The following GALNT15 variants were observed in gnomAD, a reference collection of about 807,000 sequenced individuals.
GALNT15 encodes polypeptide N-acetylgalactosaminyltransferase 15.
A neutral mutation model predicts 66.8 loss-of-function variants in GALNT15; 67 were observed. That is an observed-to-expected ratio of 1.00 (90% CI 0.82 to 1.23). The LOEUF (loss-of-function observed/expected upper bound fraction) is 1.23. GALNT15 is among the 50% of genes most tolerant of loss of function. GALNT15 has a pLI of 0.00. For synonymous variants in GALNT15, 313 were observed against 311.5 expected (o/e 1.00, Z -0.05); for missense variants, 827 against 804.3 (o/e 1.03, Z -0.34).
At position 16,181,959 on chromosome 3, in the gene GALNT15, C is replaced by T. The variant is rs751922199; in HGVS notation, c.539+6269C>T. On this transcript the variant is annotated intron_variant, in intron 1 of 9. Transcript: ENST00000339732. The surrounding 1 kb of genome is among the most constrained non-coding windows in gnomAD (Gnocchi z 5.9). ...CCATCACCCCGCAGTGGGGTTGCAGCGTAGACAGAGCTGACTATATAGCGC... is the reference window on the plus strand; with the variant it reads ...CCATCACCCCGCAGTGGGGTTGCAGTGTAGACAGAGCTGACTATATAGCGC... 1.3e-5 allele frequency among the ~76,000 whole-genome samples: 2 copies of T among 152,122 alleles called. No homozygotes were observed. Among genetic ancestry groups the T allele is most frequent in the Non-Finnish European group, 2.9e-5 (2 of 68,032 alleles).
chr3:16,245,876 A>G, the GALNT15 span, among the ~76,000 whole-genome samples: 1 of 152,172 alleles, frequency 6.6e-6, no homozygotes, highest in South Asian at 2.1e-4. Context: ...CTTTGTCACT[A>G]TTTTTTCAGT....
the GALNT15 span, among the ~76,000 whole-genome samples, chr3:16,237,375 G>A: frequency 6.6e-6 from 1 of 152,180 alleles, no homozygotes; most frequent in Non-Finnish European, 1.5e-5. The surrounding 1 kb of genome is among the most constrained non-coding windows in gnomAD (Gnocchi z 4.2). Flanking sequence ...AGCCCATCAT[G>A]CCCCTTCACA....
At chr3:16,214,848 T>A (rs191551067) in intron 6 of GALNT15, among the ~76,000 whole-genome samples, 2 of 152,350 alleles carry the variant, frequency 1.3e-5, no homozygotes, top group Non-Finnish European at 2.9e-5. Flanking sequence ...TTAGACTTTA[T>A]TCAATTAGCA....
intron 1 of GALNT15, among the ~76,000 whole-genome samples, chr3:16,179,246 A>T (rs1241691310): frequency 6.6e-6 from 1 of 152,158 alleles, no homozygotes; most frequent in Non-Finnish European, 1.5e-5. Flanking sequence ...GGTAGGTTTC[A>T]TTTCATGGAT....
intron 6 of GALNT15, among the ~76,000 whole-genome samples, chr3:16,216,501 G>A (rs77575164): frequency 2.1e-5 from 3 of 144,114 alleles, no homozygotes; most frequent in Admixed American, 2.1e-4. Flanking sequence ...TCTGTCTCGG[G>A]AAAAAAAAAA....
the GALNT15 span, chr3:16,244,153 A>G: frequency 3.0e-6 from 1 of 331,070 alleles, no homozygotes; most frequent in Admixed American, 6.5e-5. Context: ...GAAGTCTGGC[A>G]GAGACGTTTG....
chr3:16,188,030 A>G lies in GALNT15; in HGVS notation c.540-7730A>G, dbSNP rs1236101810. Among the ~76,000 whole-genome samples the G allele has an allele frequency of 6.6e-6, 1 of 152,230 alleles. No individual in the cohort carries two copies. Among genetic ancestry groups the G allele is most frequent in the African/African-American group, 2.4e-5 (1 of 41,470 alleles). On this transcript the variant is annotated intron_variant, in intron 1 of 9. Transcript: ENST00000339732. This position sits in a 1 kb window ranked among gnomAD's most constrained non-coding sequence, Gnocchi z 4.6. ...GAGGAGAGAAGGGAGAGACTTGTCC[A>G]AGGCCCCTTATCTCCATTCCCTCAA...
Position 16,228,077 on chromosome 3 carries a change from A to C in GALNT15, c.*577A>C. The C allele has an allele frequency of 1.0e-6, 1 of 986,224 alleles. No individual in the cohort carries two copies. The highest frequency in any genetic ancestry group is 1.2e-6 in the Non-Finnish European group (1 of 830,212). The allele number at this position is 986,224 out of a possible 1,614,324, so 61.1% of individuals were successfully genotyped here. A position where few individuals can be genotyped will look rare whatever the true frequency, so the allele number is the denominator to read the frequency against. On this transcript the variant is annotated 3_prime_UTR_variant, in exon 10 of 10. Transcript: ENST00000339732. ...AGGATTGCAGAGAAGATGCAAGAGC[A>C]CTTTGGCCCAATTCTCCAGCTCAAC... is the stretch of plus-strand genomic sequence containing the variant.
At chr3:16,197,740 C>T (rs2063654320) in intron 2 of GALNT15, among the ~76,000 whole-genome samples, 3 of 152,132 alleles carry the variant, frequency 2.0e-5, no homozygotes. Context: ...TTGCGATGAC[C>T]AGCCCATGAT....
chr3:16,217,152 G>T (rs1471653061), intron 6 of GALNT15, among the ~76,000 whole-genome samples: 1 of 152,350 alleles, frequency 6.6e-6, no homozygotes, highest in Middle Eastern at 3.4e-3. Flanking sequence ...AGTAACTGTT[G>T]TGAGTATACT....
chr3:16,199,320 C>G lies in GALNT15; in HGVS notation c.707-1299C>G, dbSNP rs1452890785. Among the ~76,000 whole-genome samples, 2 of 141,678 alleles carry G rather than the reference C, an allele frequency of 1.4e-5. 1 individual carries two copies. The highest frequency in any genetic ancestry group is 3.1e-5 in the Non-Finnish European group (2 of 64,134). 92.9% of individuals were successfully genotyped at this position (141,678 alleles called of 152,430 possible). A position where few individuals can be genotyped will look rare whatever the true frequency, so the allele number is the denominator to read the frequency against. On this transcript the variant is annotated intron_variant, in intron 2 of 9. Transcript: ENST00000339732. ...TCATCTTCTTAGGCCTCTTTTTCTC[C>G]CTTCCCCTATAGAATCAACCTTCCT...
At chr3:16,230,180 A>T (rs1403570782), downstream of GALNT15, among the ~76,000 whole-genome samples, 1 of 152,196 alleles carries the variant, frequency 6.6e-6, no homozygotes, top group Non-Finnish European at 1.5e-5. The surrounding 1 kb of genome is among the most constrained non-coding windows in gnomAD (Gnocchi z 4.5). Context: ...GTTCATCATC[A>T]TTATTAACTA....
At chr3:16,243,205 C>T in the GALNT15 span, among the ~76,000 whole-genome samples, 1 of 152,190 alleles carries the variant, frequency 6.6e-6, no homozygotes, top group African/African-American at 2.4e-5. Context: ...GAGAAGACCC[C>T]AAGGCAGAAA....
At chr3:16,190,652 A>G (rs1475833967) in intron 1 of GALNT15, among the ~76,000 whole-genome samples, 1 of 151,850 alleles carries the variant, frequency 6.6e-6, no homozygotes, top group African/African-American at 2.4e-5. Context: ...AAAAAAAAAA[A>G]AAAAAGAAAC....
intron 6 of GALNT15, among the ~76,000 whole-genome samples, chr3:16,216,192 T>A (rs1226860411): frequency 1.3e-5 from 2 of 152,156 alleles, no homozygotes; most frequent in East Asian, 3.9e-4. Flanking sequence ...AATTATTGCC[T>A]TCTCAGAAGA....
intron 6 of GALNT15, among the ~76,000 whole-genome samples, chr3:16,218,692 C>T (rs532856717): frequency 6.6e-6 from 1 of 152,268 alleles, no homozygotes; most frequent in South Asian, 2.1e-4. Flanking sequence ...CAGTTCCTGA[C>T]TCCATGAGGC....
rs1187926311 is a variant in GALNT15 at position 16,195,161 on chromosome 3, G to A, written c.540-599G>A. ...TATCCAAGCCTCACCACAGCCTCGG[G>A]GAGTCCTGATCTTCCCAGAAGGCCA... On this transcript the variant is annotated intron_variant, in intron 1 of 9. Transcript: ENST00000339732. This position sits in a 1 kb window ranked among gnomAD's most constrained non-coding sequence, Gnocchi z 4.6. Among the ~76,000 whole-genome samples the A allele has an allele frequency of 6.6e-6, 1 of 152,072 alleles. No individual in the cohort carries two copies. The highest frequency in any genetic ancestry group is 1.5e-5 in the Non-Finnish European group (1 of 68,004).
chr3:16,223,332 A>G (rs1033975710), intron 9 of GALNT15, among the ~76,000 whole-genome samples: 1 of 152,182 alleles, frequency 6.6e-6, no homozygotes, highest in South Asian at 2.1e-4. Flanking sequence ...GTACTTAAGG[A>G]GAGTGGGCAG....
At chr3:16,231,769 C>T (rs1269842121), downstream of GALNT15, 4 of 1,508,162 alleles carry the variant, frequency 2.7e-6, no homozygotes, top group Admixed American at 2.0e-5. This position sits in a 1 kb window ranked among gnomAD's most constrained non-coding sequence, Gnocchi z 4.1. Context: ...TCTCTCTCTC[C>T]CTCCCTCTCT....
Sources: gnomAD v4.1 joint callset for allele counts (sites outside exome capture counted in the v4.1 genomes callset) on GRCh38, gnomAD v4.1.1 for gene constraint, Gnocchi (gnomAD v3.1) non-coding constraint, MANE v1.5 for transcripts, NCBI Gene and HGNC (gene_info 2026-07-23, HGNC 2026-07-21) for gene names.